The following PLCG2 variants were observed in gnomAD, a reference collection of about 807,000 sequenced individuals.
PLCG2 encodes the protein phospholipase C gamma 2.
PLCG2 carries 69 observed loss-of-function variants against 175.6 expected under a neutral mutation model. The observed-to-expected ratio is 0.39, with a 90% CI of 0.32 to 0.48. The LOEUF (loss-of-function observed/expected upper bound fraction) is 0.48, where lower values mean the gene tolerates loss of function less well. Ranked by LOEUF, PLCG2 falls within the 20% of genes least tolerant of loss-of-function variation. The pLI is 0.91. For missense variants in PLCG2, 1,798 were observed against 1,650.9 expected (o/e 1.09, Z -1.54); for synonymous variants, 827 against 624.0 (o/e 1.33, Z -4.85).
intron 21 of PLCG2, among the ~76,000 whole-genome samples, chr16:81,922,901 C>G (rs1465382012): frequency 1.3e-5 from 2 of 152,102 alleles, no homozygotes; most frequent in African/African-American, 4.8e-5. Context: ...GAACAGAGAC[C>G]ACCTTTTGAT....
chr16:81,806,875 G>A (rs1004529695), intron 2 of PLCG2, among the ~76,000 whole-genome samples: 15 of 151,936 alleles, frequency 9.9e-5, no homozygotes, highest in African/African-American at 3.6e-4. Context: ...CAAGCAGGGT[G>A]ATGGGGGCAG....
At chr16:81,766,220 G>A (rs553628421) in intron 2 of PLCG2, among the ~76,000 whole-genome samples, 1 of 152,256 alleles carries the variant, frequency 6.6e-6, no homozygotes, top group East Asian at 1.9e-4. Context: ...TTCTCTCCAA[G>A]TGGGGCCATA....
intron 2 of PLCG2, among the ~76,000 whole-genome samples, chr16:81,761,900 C>T (rs1035303630): frequency 2.1e-5 from 3 of 146,020 alleles, no homozygotes; most frequent in Admixed American, 6.9e-5. Context: ...GGTGTGATCT[C>T]GGCTCACTCT....
rs1395346321 is a variant in PLCG2 at position 81,960,074 on chromosome 16, G to A, written c.*2076G>A. The A allele has an allele frequency of 1.4e-5, 3 of 218,914 alleles. No homozygotes were observed. The highest frequency in any genetic ancestry group is 1.2e-4 in the Admixed American group (2 of 17,254). 13.6% of individuals were successfully genotyped at this position (218,914 alleles called of 1,614,324 possible). The stretch of plus-strand genomic sequence containing the variant: ...GAAGTCAGGGGATTATGACATAAAT[G>A]GTGCTGGGAAGAACCCTCTGCCTAA... On this transcript the variant is annotated 3_prime_UTR_variant, in exon 33 of 33. Transcript: ENST00000564138.
intron 2 of PLCG2, among the ~76,000 whole-genome samples, chr16:81,827,397 C>T (rs558338285): frequency 7.0e-4 from 106 of 152,008 alleles, no homozygotes; most frequent in African/African-American, 2.4e-3. Flanking sequence ...CCATGTTTCC[C>T]AGGCTGATCT....
chr16:81,784,488 C>T (rs1910882100), intron 1 of PLCG2, among the ~76,000 whole-genome samples: 1 of 152,188 alleles, frequency 6.6e-6, no homozygotes, highest in Non-Finnish European at 1.5e-5. Flanking sequence ...CCTGGCTGAA[C>T]ACCAGCCTCT....
intron 2 of PLCG2, chr16:81,852,000 A>G (rs970698971): frequency 2.4e-5 from 2 of 83,846 alleles, no homozygotes; most frequent in African/African-American, 6.9e-5. Flanking sequence ...TGACTCTAAG[A>G]TGCCTTTGCT....
Position 81,946,210 on chromosome 16 carries a change from G to A in PLCG2, c.3517G>A (p.Glu1173Lys). 1.2e-6 allele frequency: 2 copies of A among 1,613,964 alleles called. No individual in the cohort carries two copies. The highest frequency in any genetic ancestry group is 1.7e-6 in the Non-Finnish European group (2 of 1,179,864). Reference protein sequence around the residue: ...RSVPLKNGYSEDIELASLLVF... With the variant: ...RSVPLKNGYSKDIELASLLVF... ...CGTTCCTCTGAAGAATGGGTACAGC[G>A]AGGACATAGAGCTGGCTTCCCTCCT... The change falls in exon 31 of 33, where the codon GAG (glutamate) becomes AAG (lysine). Residue 1173 changes from glutamate to lysine, a missense_variant. Physicochemically the swap from Glu to Lys is moderately conservative, Grantham distance 56. Transcript: ENST00000564138.
At chr16:81,847,904 C>T (rs1025768980) in intron 2 of PLCG2, among the ~76,000 whole-genome samples, 2 of 152,182 alleles carry the variant, frequency 1.3e-5, no homozygotes, top group African/African-American at 4.8e-5. Context: ...GATCCTGGAA[C>T]CGATCCCCAA....
At chr16:81,802,557 G>A (rs757062192) in intron 2 of PLCG2, among the ~76,000 whole-genome samples, 1 of 151,970 alleles carries the variant, frequency 6.6e-6, no homozygotes, top group Non-Finnish European at 1.5e-5. Flanking sequence ...CTATAGATTT[G>A]TTTTCTTTCT....
At chr16:81,939,406 C>T (rs1910847137) in intron 29 of PLCG2, among the ~76,000 whole-genome samples, 1 of 152,150 alleles carries the variant, frequency 6.6e-6, no homozygotes, top group South Asian at 2.1e-4. Flanking sequence ...GATCCTTGCC[C>T]CTGGTAAAAA....
chr16:81,788,647 A>G (rs868537984), intron 2 of PLCG2, among the ~76,000 whole-genome samples: 7 of 152,222 alleles, frequency 4.6e-5, no homozygotes, highest in Admixed American at 2.6e-4. Flanking sequence ...GGCCATCCAC[A>G]GGTAGACTTT....
intron 3 of PLCG2, 24 bp downstream of exon 3, chr16:81,854,611 T>TA: frequency 1.2e-6 from 2 of 1,608,128 alleles, no homozygotes; most frequent in Non-Finnish European, 1.7e-6. Context: ...TCTGTGCCTT[T>TA]CTCCTTCCCT....
chr16:81,933,338 A>G lies in PLCG2; in HGVS notation c.2740-1091A>G, dbSNP rs78786964. Reference sequence around the variant, plus strand: ...GAGCAAAGGAAGAAGGCCCCATCCCACTCTTGGGAAACCAGCGGCGGATAA... The same window carrying G: ...GAGCAAAGGAAGAAGGCCCCATCCCGCTCTTGGGAAACCAGCGGCGGATAA... On this transcript the variant is annotated intron_variant, in intron 25 of 32. Coordinates refer to ENST00000564138, the MANE Select transcript of PLCG2 (RefSeq NM_002661.5). Among the ~76,000 whole-genome samples, 763 of 151,962 alleles carry G rather than the reference A, an allele frequency of 5.0e-3. 8 individuals are homozygous for G. The highest frequency in any genetic ancestry group is 0.018 in the African/African-American group (726 of 41,438).
chr16:81,889,370 T>G (rs570232143), intron 10 of PLCG2, 97 bp downstream of exon 10: 1 of 721,062 alleles, frequency 1.4e-6, no homozygotes, highest in Non-Finnish European at 2.5e-6. Context: ...CTTGGAGAAC[T>G]TTGCTGTATG....
intron 2 of PLCG2, among the ~76,000 whole-genome samples, chr16:81,796,511 G>A (rs1251102318): frequency 6.6e-6 from 1 of 152,244 alleles, no homozygotes; most frequent in Non-Finnish European, 1.5e-5. Flanking sequence ...GTGGGCAGTG[G>A]TGGGTGCCTG....
At chr16:81,840,921 CCTCCCTT>C (rs1905789617) in intron 2 of PLCG2, among the ~76,000 whole-genome samples, 1 of 152,184 alleles carries the variant, frequency 6.6e-6, no homozygotes, top group South Asian at 2.1e-4. Context: ...GTGGTCCCTT[CCTCCCTT>C]GGGGATGGGG....
chr16:81,804,693 G>A (rs1911911329), intron 2 of PLCG2, among the ~76,000 whole-genome samples: 1 of 152,166 alleles, frequency 6.6e-6, no homozygotes, highest in Non-Finnish European at 1.5e-5. Context: ...CCCAGGGAGT[G>A]TATATTTGGT....
chr16:81,822,179 G>C (rs947615130), intron 2 of PLCG2, among the ~76,000 whole-genome samples: 5 of 152,060 alleles, frequency 3.3e-5, no homozygotes, highest in African/African-American at 1.2e-4. Context: ...GGTGGGGTGT[G>C]GGGGATTGAG....
Sources: allele counts gnomAD v4.1 joint callset (sites outside exome capture counted in the v4.1 genomes callset), GRCh38; gene constraint gnomAD v4.1.1; transcripts MANE v1.5; gene names NCBI Gene and HGNC (gene_info 2026-07-23, HGNC 2026-07-21).